PACSIN2: variants seen among roughly 807,000 people sequenced by gnomAD.
The protein encoded by PACSIN2 is protein kinase C and casein kinase substrate in neurons protein 2.
A neutral mutation model predicts 63.8 loss-of-function variants in PACSIN2; 25 were observed. That is an observed-to-expected ratio of 0.39 (90% CI 0.29 to 0.55). The LOEUF is 0.55. Among genes scored for constraint, PACSIN2 ranks in the 20% least tolerant of loss-of-function variants. PACSIN2 has a pLI of 0.62. For missense variants in PACSIN2, 518 were observed against 646.9 expected (o/e 0.80, Z 2.16); for synonymous variants, 255 against 256.2 (o/e 1.00, Z 0.05).
intron 1 of PACSIN2, among the ~76,000 whole-genome samples, chr22:42,975,882 AGAT>A (rs1921668312): frequency 6.6e-6 from 1 of 152,224 alleles, no homozygotes; most frequent in South Asian, 2.1e-4. Context: ...AACTAGGGGT[AGAT>A]GAGAGAAATG....
chr22:42,922,815 C>T (rs904642159), intron 1 of PACSIN2, among the ~76,000 whole-genome samples: 2 of 152,158 alleles, frequency 1.3e-5, no homozygotes, highest in Admixed American at 1.3e-4. Context: ...GGCTGACATC[C>T]TACTAGGGCA....
chr22:42,929,703 G>T (rs1334782365), intron 1 of PACSIN2, among the ~76,000 whole-genome samples: 2 of 152,134 alleles, frequency 1.3e-5, no homozygotes, highest in South Asian at 4.1e-4. Flanking sequence ...ACTTCAACTC[G>T]GACAAGGCAG....
At chr22:42,983,508 A>AAC (rs1922392558) in intron 1 of PACSIN2, among the ~76,000 whole-genome samples, 2 of 151,408 alleles carry the variant, frequency 1.3e-5, no homozygotes, top group Non-Finnish European at 2.9e-5. Context: ...AAAAAAAAAA[A>AAC]CAGATATTGA....
intron 1 of PACSIN2, among the ~76,000 whole-genome samples, chr22:42,952,558 C>T (rs1601570750): frequency 6.6e-6 from 1 of 151,990 alleles, no homozygotes; most frequent in East Asian, 1.9e-4. Context: ...GACGGGTTTT[C>T]ACATTGGCCA....
chr22:42,930,493 C>A (rs1932762217), intron 1 of PACSIN2, among the ~76,000 whole-genome samples: 1 of 152,170 alleles, frequency 6.6e-6, no homozygotes, highest in Non-Finnish European at 1.5e-5. Flanking sequence ...TACATGGATA[C>A]CCACGTTCAC....
chr22:42,871,607 T>C lies in PACSIN2; in HGVS notation c.1349-138A>G. On this transcript the variant is annotated intron_variant, in intron 10 of 10. Coordinates refer to ENST00000263246, the MANE Select transcript of PACSIN2 (RefSeq NM_001184970.3). This position sits in a 1 kb window ranked among gnomAD's most constrained non-coding sequence, Gnocchi z 5.4. ...GGCGGGCAGGCCGAGGGCCTGGTCA[T>C]TTCTCTACTAAATGCATGCATTTTA... The C allele has an allele frequency of 1.5e-6, 1 of 689,562 alleles. No individual in the cohort carries two copies. The highest frequency in any genetic ancestry group is 2.6e-6 in the Non-Finnish European group (1 of 383,806). The allele number at this position is 689,562 out of a possible 1,614,324, so 42.7% of individuals were successfully genotyped here. A position where few individuals can be genotyped will look rare whatever the true frequency, so the allele number is the denominator to read the frequency against.
chr22:42,895,890 G>A (rs947902225), intron 2 of PACSIN2, among the ~76,000 whole-genome samples: 5 of 152,144 alleles, frequency 3.3e-5, no homozygotes, highest in African/African-American at 7.2e-5. Flanking sequence ...TGTGGTGGCC[G>A]GTGAAGGCCA....
chr22:42,992,348 A>G (rs1923099696), intron 1 of PACSIN2, among the ~76,000 whole-genome samples: 1 of 152,220 alleles, frequency 6.6e-6, no homozygotes, highest in Non-Finnish European at 1.5e-5. Context: ...AAAGTTTGGC[A>G]GTGTCTGGAC....
intron 1 of PACSIN2, among the ~76,000 whole-genome samples, chr22:42,963,439 T>C (rs1920930441): frequency 6.6e-6 from 1 of 152,140 alleles, no homozygotes; most frequent in African/African-American, 2.4e-5. Flanking sequence ...GGGGGATTCT[T>C]TCGCCCAGCG....
At chr22:42,982,869 T>TTAAAAAA (rs1922285238) in intron 1 of PACSIN2, among the ~76,000 whole-genome samples, 1 of 44,018 alleles carries the variant, frequency 2.3e-5, no homozygotes, top group Non-Finnish European at 4.9e-5. Flanking sequence ...GAATGATCAA[T>TTAAAAAA]AAAAAAAAAA....
At chr22:42,960,389 T>C (rs1934088038) in intron 1 of PACSIN2, among the ~76,000 whole-genome samples, 2 of 152,280 alleles carry the variant, frequency 1.3e-5, no homozygotes, top group Middle Eastern at 3.4e-3. Context: ...GGAAGCCTCA[T>C]GCAGGAGACA....
At chr22:42,879,448 C>T (rs1188619313) in intron 7 of PACSIN2, among the ~76,000 whole-genome samples, 1 of 152,238 alleles carries the variant, frequency 6.6e-6, no homozygotes, top group African/African-American at 2.4e-5. Context: ...CCATGCTGCC[C>T]ACCTCCCAGA....
At chr22:43,004,346 T>A (rs1601621253) in intron 1 of PACSIN2, among the ~76,000 whole-genome samples, 1 of 152,326 alleles carries the variant, frequency 6.6e-6, no homozygotes, top group East Asian at 1.9e-4. Flanking sequence ...AGACAGCCCC[T>A]CACCACTGAC....
intron 1 of PACSIN2, among the ~76,000 whole-genome samples, chr22:42,961,974 A>G (rs1343432516): frequency 6.6e-6 from 1 of 152,150 alleles, no homozygotes; most frequent in East Asian, 1.9e-4. Flanking sequence ...TGGCTTAGTT[A>G]AATCCACGGC....
chr22:42,955,473 G>C (rs1933877513), intron 1 of PACSIN2, among the ~76,000 whole-genome samples: 1 of 149,052 alleles, frequency 6.7e-6, no homozygotes, highest in Admixed American at 6.6e-5. Context: ...ATAGCATCAG[G>C]GGGAAAAAAA....
At chr22:42,972,098 G>A (rs1411254362) in intron 1 of PACSIN2, among the ~76,000 whole-genome samples, 3 of 152,186 alleles carry the variant, frequency 2.0e-5, no homozygotes, top group Admixed American at 6.5e-5. Context: ...AAGAGAAGTC[G>A]GATTGTTACT....
At chr22:42,987,473 C>CAT (rs1922700926) in intron 1 of PACSIN2, among the ~76,000 whole-genome samples, 1 of 120,428 alleles carries the variant, frequency 8.3e-6, no homozygotes, top group Admixed American at 8.0e-5. Context: ...CACACACACA[C>CAT]ACACACACAC....
intron 6 of PACSIN2, among the ~76,000 whole-genome samples, chr22:42,883,547 G>C (rs1265231158): frequency 2.0e-5 from 3 of 152,220 alleles, no homozygotes; most frequent in East Asian, 3.9e-4. Flanking sequence ...AGAAGAAACA[G>C]CACAGCTTCC....
chr22:42,878,941 C>T, intron 8 of PACSIN2, 107 bp downstream of exon 8: 1 of 1,329,514 alleles, frequency 7.5e-7, no homozygotes. Flanking sequence ...GCTCAGGAGC[C>T]CAGGAACCTC....
Sources: gnomAD v4.1 joint callset for allele counts (sites outside exome capture counted in the v4.1 genomes callset) on GRCh38, gnomAD v4.1.1 for gene constraint, Gnocchi (gnomAD v3.1) non-coding constraint, MANE v1.5 for transcripts, NCBI Gene and HGNC (gene_info 2026-07-23, HGNC 2026-07-21) for gene names.